The following LEPROTL1 variants were observed in gnomAD, a reference collection of about 807,000 sequenced individuals.
LEPROTL1 encodes the protein leptin receptor overlapping transcript like 1, also known as leptin receptor overlapping transcript-like 1.
LEPROTL1 carries 6 observed loss-of-function variants against 15.4 expected under a neutral mutation model. That is an observed-to-expected ratio of 0.39 (90% CI 0.21 to 0.77). The LOEUF (loss-of-function observed/expected upper bound fraction) is 0.77, where lower values mean the gene tolerates loss of function less well. Among genes scored for constraint, LEPROTL1 ranks in the 30% least tolerant of loss-of-function variants. The pLI is 0.41. For missense variants in LEPROTL1, 128 were observed against 158.1 expected, an observed-to-expected ratio of 0.81 and a Z score of 1.02; for synonymous variants, 56 against 52.6, an observed-to-expected ratio of 1.06 and a Z score of -0.28.
downstream of LEPROTL1, among the ~76,000 whole-genome samples, chr8:30,113,334 G>T (rs1802683207): frequency 6.6e-6 from 1 of 152,084 alleles, no homozygotes; most frequent in Non-Finnish European, 1.5e-5. Context: ...AGAAGGGGAA[G>T]CCTTGGTGGA....
intron 1 of LEPROTL1, among the ~76,000 whole-genome samples, chr8:30,097,748 A>C (rs984768410): frequency 6.6e-6 from 1 of 151,348 alleles, no homozygotes; most frequent in Non-Finnish European, 1.5e-5. Flanking sequence ...TTAATGGAGT[A>C]GAAGTATTAT....
At chr8:30,120,887 T>C (rs1258008327) in intron 3 of LEPROTL1, among the ~76,000 whole-genome samples, 4 of 152,170 alleles carry the variant, frequency 2.6e-5, no homozygotes, top group Admixed American at 1.3e-4. Flanking sequence ...AATTATTAAG[T>C]GTACACTTCA....
At chr8:30,111,779 T>A (rs1182552205), downstream of LEPROTL1, among the ~76,000 whole-genome samples, 4 of 152,144 alleles carry the variant, frequency 2.6e-5, no homozygotes, top group Non-Finnish European at 5.9e-5. Context: ...TTTCTGTTGC[T>A]CTGGTGGGTC....
chr8:30,137,511 G>T (rs1803175671), exon 5 of LEPROTL1: 2 of 1,539,080 alleles, frequency 1.3e-6, no homozygotes, highest in East Asian at 4.9e-5. Flanking sequence ...GACAACTACT[G>T]CTCAGTGCCA....
At chr8:30,104,275 C>T in intron 2 of LEPROTL1, 25 bp from the exon 3 acceptor site, 2 of 1,379,168 alleles carry the variant, frequency 1.5e-6, no homozygotes, top group Non-Finnish European at 9.8e-7. Flanking sequence ...GCAAAAATTA[C>T]ATTAACTTAT....
rs1204414810 is a variant in LEPROTL1 at position 30,137,320 on chromosome 8, G to A, written c.*8G>A. 9 of 1,551,620 alleles carry A rather than the reference G, an allele frequency of 5.8e-6. No individual in the cohort carries two copies. In the African/African-American group the frequency reaches 1.1e-4, roughly 19 times the overall value. ...CAAGATGGGAACAGCTGAGTCTGAA[G>A]GAAGAGAAACACTGACACAGCAGCT... is the stretch of plus-strand genomic sequence containing the variant. On this transcript the variant is annotated 3_prime_UTR_variant, in exon 5 of 5. Transcript: ENST00000442880.
chr8:30,135,913 GAA>G (rs36032566), intron 4 of LEPROTL1, among the ~76,000 whole-genome samples: 5 of 128,860 alleles, frequency 3.9e-5, no homozygotes, highest in Non-Finnish European at 7.9e-5. Context: ...GACCTTGTCT[GAA>G]AAAAAAAAAA....
chr8:30,120,724 GT>G (rs1802817453), intron 3 of LEPROTL1, among the ~76,000 whole-genome samples: 1 of 152,106 alleles, frequency 6.6e-6, no homozygotes, highest in African/African-American at 2.4e-5. Context: ...TAGAGATGAA[GT>G]TTTGCCATGT....
At chr8:30,111,201 G>C (rs938999403), downstream of LEPROTL1, among the ~76,000 whole-genome samples, 2 of 152,118 alleles carry the variant, frequency 1.3e-5, no homozygotes, top group Non-Finnish European at 2.9e-5. Context: ...GCAAGAATTG[G>C]CTCTAAACAT....
intron 1 of LEPROTL1, among the ~76,000 whole-genome samples, chr8:30,096,689 C>G (rs560708557): frequency 3.3e-5 from 5 of 152,282 alleles, no homozygotes; most frequent in African/African-American, 1.2e-4. Flanking sequence ...CCCTGTTCTT[C>G]CCTGTTTCTT....
intron 3 of LEPROTL1, 180 bp downstream of exon 3, chr8:30,104,666 G>A (rs984340912): frequency 7.1e-6 from 3 of 423,186 alleles, no homozygotes; most frequent in East Asian, 3.6e-5. Context: ...ATTGGAGAAC[G>A]TGGCTTGGAT....
chr8:30,128,344 G>A (rs1017504637), intron 3 of LEPROTL1, among the ~76,000 whole-genome samples: 2 of 152,158 alleles, frequency 1.3e-5, no homozygotes, highest in African/African-American at 2.4e-5. Flanking sequence ...CCATCAGTGG[G>A]GAGATAGATT....
At chr8:30,121,573 A>G (rs1802831162) in intron 3 of LEPROTL1, among the ~76,000 whole-genome samples, 1 of 152,166 alleles carries the variant, frequency 6.6e-6, no homozygotes, top group African/African-American at 2.4e-5. Context: ...TTAATAAAAT[A>G]AACTCATGAG....
chr8:30,133,491 C>G (rs1803070779), intron 4 of LEPROTL1, among the ~76,000 whole-genome samples: 1 of 152,152 alleles, frequency 6.6e-6, no homozygotes, highest in East Asian at 1.9e-4. Flanking sequence ...GAGAAGCTTC[C>G]CAGGGATCTC....
intron 3 of LEPROTL1, among the ~76,000 whole-genome samples, chr8:30,126,470 T>C (rs1455854114): frequency 6.6e-6 from 1 of 152,168 alleles, no homozygotes; most frequent in East Asian, 1.9e-4. Flanking sequence ...TTCCAAGTCC[T>C]CATGGAATTG....
At chr8:30,114,276 T>TTTTTTGTTTTG (rs1554483847) in intron 3 of LEPROTL1, among the ~76,000 whole-genome samples, 3 of 149,548 alleles carry the variant, frequency 2.0e-5, no homozygotes, top group Admixed American at 6.7e-5. Context: ...ACATGATATT[T>TTTTTTGTTTTG]TTTTGTTTTG....
chr8:30,123,364 G>A (rs544736996), intron 3 of LEPROTL1, among the ~76,000 whole-genome samples: 1 of 152,290 alleles, frequency 6.6e-6, no homozygotes, highest in East Asian at 1.9e-4. Flanking sequence ...TGTAAGAAAA[G>A]CATATGGGAG....
intron 3 of LEPROTL1, among the ~76,000 whole-genome samples, chr8:30,123,860 A>G (rs1432264071): frequency 1.3e-5 from 2 of 152,210 alleles, no homozygotes; most frequent in Non-Finnish European, 2.9e-5. Flanking sequence ...CTCTGGCAAG[A>G]TGTCATTTGA....
At chr8:30,096,410 G>C (rs936410306) in intron 1 of LEPROTL1, 1 of 984,942 alleles carries the variant, frequency 1.0e-6, no homozygotes, top group Non-Finnish European at 1.2e-6. Context: ...AGGGCAGTCA[G>C]GCAGGAAGCA....
Sources: allele counts gnomAD v4.1 joint callset (sites outside exome capture counted in the v4.1 genomes callset), GRCh38; gene constraint gnomAD v4.1.1; transcripts MANE v1.5; gene names NCBI Gene and HGNC (gene_info 2026-07-23, HGNC 2026-07-21).